Variants in PTPN13 observed in about 807,000 individuals in gnomAD.
PTPN13 encodes the protein tyrosine-protein phosphatase non-receptor type 13.
A neutral mutation model predicts 284.0 loss-of-function variants in PTPN13; 191 were observed. That is an observed-to-expected ratio of 0.67 (90% CI 0.60 to 0.76). The LOEUF (loss-of-function observed/expected upper bound fraction) is 0.76. PTPN13 is among the 30% of genes least tolerant of loss of function. The probability of loss-of-function intolerance (pLI) is 0.00; values close to 1 mark genes in which losing one functional copy is unlikely to be tolerated. For missense variants in PTPN13, 2,797 were observed against 2,939.9 expected (o/e 0.95, Z 1.12); for synonymous variants, 986 against 1,022.3 (o/e 0.96, Z 0.68).
Position 86,784,555 on chromosome 4 carries a change from A to G in PTPN13, c.6115A>G (p.Lys2039Glu). Residue 2039 changes from lysine (K) to glutamate (E), a missense_variant, in exon 38 of 48, where the codon AAA (lysine) becomes GAA (glutamate). Lys to Glu is a moderately conservative substitution (Grantham distance 56). Coordinates refer to ENST00000411767, the MANE Select transcript of PTPN13 (RefSeq NM_080683.3). ...IKGSPNLTLP[K>E]ESYIQEDDIY... is the part of the protein sequence containing the mutation. ...GGGATCACCAAACTTGACTCTGCCC[A>G]AAGGTAGTTTTCCAAATCAGTCATC... is the stretch of plus-strand genomic sequence containing the variant. The G allele has an allele frequency of 2.5e-6, 4 of 1,600,592 alleles. No homozygotes were observed. Among genetic ancestry groups the G allele is most frequent in the Non-Finnish European group, 3.4e-6 (4 of 1,173,816 alleles).
intron 15 of PTPN13, among the ~76,000 whole-genome samples, chr4:86,740,203 G>T (rs1421256689): frequency 6.6e-6 from 1 of 152,170 alleles, no homozygotes; most frequent in African/African-American, 2.4e-5. Context: ...CTGTGTGCAG[G>T]CTCCAACCCC....
At chr4:86,685,881 A>T (rs1471171263) in intron 3 of PTPN13, among the ~76,000 whole-genome samples, 2 of 152,252 alleles carry the variant, frequency 1.3e-5, no homozygotes, top group Non-Finnish European at 2.9e-5. Context: ...ATTTAAGAGA[A>T]ATACTTACAA....
chr4:86,741,894 C>G, intron 16 of PTPN13, 78 bp downstream of exon 16: 1 of 1,265,442 alleles, frequency 7.9e-7, no homozygotes, highest in Non-Finnish European at 1.1e-6. Context: ...AACAGACTTT[C>G]CTTAGACTCT....
At chr4:86,713,226 G>C (rs960636842) in intron 7 of PTPN13, among the ~76,000 whole-genome samples, 3 of 152,030 alleles carry the variant, frequency 2.0e-5, no homozygotes, top group African/African-American at 7.2e-5. Flanking sequence ...TTATTGTCCT[G>C]TATGTTGCAA....
intron 1 of PTPN13, among the ~76,000 whole-genome samples, chr4:86,626,854 G>A (rs1721897341): frequency 6.6e-6 from 1 of 152,170 alleles, no homozygotes; most frequent in South Asian, 2.1e-4. Context: ...TCAAGGGTCA[G>A]CTGTATATCC....
At chr4:86,791,935 A>T (rs910121948) in intron 40 of PTPN13, among the ~76,000 whole-genome samples, 8 of 152,330 alleles carry the variant, frequency 5.3e-5, no homozygotes, top group Admixed American at 4.6e-4. Context: ...TCCAAAAACC[A>T]GAGTGCCTCT....
At chr4:86,686,912 C>T (rs1578415203) in intron 4 of PTPN13, 137 bp downstream of exon 4, 2 of 644,868 alleles carry the variant, frequency 3.1e-6, no homozygotes, top group East Asian at 6.3e-5. Flanking sequence ...AGTTTGTTTA[C>T]ATTAATAATG....
chr4:86,811,160 T>A, intron 47 of PTPN13, 52 bp downstream of exon 47: 1 of 1,527,998 alleles, frequency 6.5e-7, no homozygotes, highest in South Asian at 1.2e-5. Flanking sequence ...ATTCTAATAT[T>A]TTTTAAGGTT....
At chr4:86,657,207 A>T (rs186332757) in intron 2 of PTPN13, among the ~76,000 whole-genome samples, 46 of 152,132 alleles carry the variant, frequency 3.0e-4, no homozygotes, top group Middle Eastern at 6.8e-3. Context: ...GCTTCGGCTC[A>T]TGCTCGGTGG....
In PTPN13 at chr4:86,643,308, C is replaced by T. The variant is rs527348691; in HGVS notation, c.115+7937C>T. Among the ~76,000 whole-genome samples, 11 of 152,202 alleles carry T rather than the reference C, an allele frequency of 7.2e-5. No individual in the cohort carries two copies. The South Asian group carries it at 2.1e-3, about 29-fold the overall frequency. On this transcript the variant is annotated intron_variant, in intron 2 of 47. Transcript: ENST00000411767. ...CAAGTGTCCTGCAAAAATTGAAAGA[C>T]CACATTGTGTTTCTTATATTCTTTG... is the stretch of plus-strand genomic sequence containing the variant.
chr4:86,682,627 A>G (rs1202714167), intron 3 of PTPN13, among the ~76,000 whole-genome samples: 1 of 151,980 alleles, frequency 6.6e-6, no homozygotes, highest in Non-Finnish European at 1.5e-5. Flanking sequence ...TTTCTACACA[A>G]TATATATATG....
chr4:86,635,557 A>G (rs186257357), intron 2 of PTPN13, among the ~76,000 whole-genome samples, 186 bp downstream of exon 2: 43 of 152,320 alleles, frequency 2.8e-4, no homozygotes, highest in Non-Finnish European at 4.7e-4. Context: ...ATTCATTTGA[A>G]TATCTTCTAT....
At chr4:86,753,738 A>G (rs569326966) in intron 20 of PTPN13, among the ~76,000 whole-genome samples, 3 of 152,106 alleles carry the variant, frequency 2.0e-5, no homozygotes, top group Non-Finnish European at 4.4e-5. Context: ...CATATACATT[A>G]TCTTATTTGA....
Position 86,758,966 on chromosome 4 carries a change from G to T in PTPN13, c.3446G>T (p.Ser1149Ile), listed in dbSNP as rs768713885. The change falls in exon 23 of 48, where the codon AGT becomes ATT. Residue 1149 changes from serine to isoleucine, a missense_variant. Transcript: ENST00000411767. ...KPGDRLISVN[S>I]VSLEGVSHHA... ...GGAGACCGTTTGATATCTGTGAATA[G>T]TGTGAGTCTGGAGGGAGTCAGCCAC... 6.2e-6 allele frequency: 10 copies of T among 1,613,600 alleles called. No individual in the cohort carries two copies. Among genetic ancestry groups the T allele is most frequent in the Non-Finnish European group, 8.5e-6 (10 of 1,179,728 alleles).
At chr4:86,676,354 A>C (rs1484115187) in intron 3 of PTPN13, among the ~76,000 whole-genome samples, 1 of 152,230 alleles carries the variant, frequency 6.6e-6, no homozygotes, top group Non-Finnish European at 1.5e-5. Context: ...AAAGAACAGG[A>C]TATAACAACT....
At chr4:86,705,136 C>T (rs1731597455) in intron 7 of PTPN13, among the ~76,000 whole-genome samples, 1 of 151,980 alleles carries the variant, frequency 6.6e-6, no homozygotes. Flanking sequence ...GAGATCAAGA[C>T]CATCCTGGCT....
At chr4:86,773,605 A>G (rs1264516259) in intron 32 of PTPN13, among the ~76,000 whole-genome samples, 1 of 152,094 alleles carries the variant, frequency 6.6e-6, no homozygotes, top group African/African-American at 2.4e-5. Context: ...TTATTGTAGA[A>G]AAATTATTAA....
At chr4:86,623,859 C>T (rs1440795476) in intron 1 of PTPN13, among the ~76,000 whole-genome samples, 1 of 152,024 alleles carries the variant, frequency 6.6e-6, no homozygotes, top group African/African-American at 2.4e-5. Flanking sequence ...TTCCCTAGGC[C>T]TCCTTCTTAG....
At chr4:86,782,162 G>A in intron 36 of PTPN13, 39 bp from the exon 37 acceptor site, 1 of 1,458,654 alleles carries the variant, frequency 6.9e-7, no homozygotes, top group Admixed American at 1.7e-5. Context: ...TTGTGGTTTG[G>A]ATTGGCTCAT....
Sources: allele counts gnomAD v4.1 joint callset (sites outside exome capture counted in the v4.1 genomes callset), GRCh38; gene constraint gnomAD v4.1.1; transcripts MANE v1.5; gene names NCBI Gene and HGNC (gene_info 2026-07-23, HGNC 2026-07-21).